Variants in NUSAP1 observed in about 807,000 individuals in gnomAD.
The protein encoded by NUSAP1 is nucleolar and spindle-associated protein 1.
In NUSAP1, 32 loss-of-function variants were observed where a neutral mutation model predicts 52.8. The ratio of observed to expected loss-of-function variants is 0.61; its 90% CI spans 0.46 to 0.81. NUSAP1 has a LOEUF of 0.81. NUSAP1 is among the 40% of genes least tolerant of loss of function. The pLI is 0.00. For missense variants in NUSAP1, 499 were observed against 522.3 expected, an observed-to-expected ratio of 0.96 and a Z score of 0.43; for synonymous variants, 195 against 183.1, an observed-to-expected ratio of 1.06 and a Z score of -0.52.
At position 41,377,180 on chromosome 15, in the gene NUSAP1, C is replaced by T. The variant is rs201721566; in HGVS notation, c.1124-16C>T. The T allele has an allele frequency of 1.7e-4, 215 of 1,284,074 alleles. No homozygotes were observed. Among genetic ancestry groups the T allele is most frequent in the Non-Finnish European group, 2.2e-4 (206 of 922,628 alleles). 79.5% of individuals were successfully genotyped at this position (1,284,074 alleles called of 1,614,324 possible). A position where few individuals can be genotyped will look rare whatever the true frequency, so the allele number is the denominator to read the frequency against. Reference sequence around the variant, plus strand: ...AAACAATCTTTTTAAAATTCTTTGTCTCTGTCCTAAACTAGGAAAGCTAAA... The same window carrying T: ...AAACAATCTTTTTAAAATTCTTTGTTTCTGTCCTAAACTAGGAAAGCTAAA... On this transcript the variant is annotated splice_polypyrimidine_tract_variant and intron_variant, in intron 9 of 10. Transcript: ENST00000559596.
intron 6 of NUSAP1, among the ~76,000 whole-genome samples, chr15:41,358,728 C>T (rs2049061966): frequency 6.6e-6 from 1 of 151,600 alleles, no homozygotes; most frequent in East Asian, 1.9e-4. Flanking sequence ...AGTGAGACTC[C>T]GTCTCAAAAA....
intron 4 of NUSAP1, among the ~76,000 whole-genome samples, chr15:41,355,466 G>A (rs1231168974): frequency 4.0e-5 from 6 of 150,094 alleles, no homozygotes; most frequent in Non-Finnish European, 7.4e-5. Context: ...CCACCGCGGC[G>A]CCTGACCAAC....
chr15:41,375,700 G>T lies in NUSAP1; in HGVS notation c.1007-12G>T, dbSNP rs1409489332. 6.5e-7 allele frequency: 1 copy of T among 1,542,758 alleles called. No homozygotes were observed. Among genetic ancestry groups the T allele is most frequent in the East Asian group, 2.2e-5 (1 of 44,514 alleles). The stretch of plus-strand genomic sequence containing the variant: ...CTAATTAAGCTCTTGGGTTTTTTCG[G>T]TGTGTTTTTAGTTATTACCCCATTC... On this transcript the variant is annotated splice_polypyrimidine_tract_variant and intron_variant, in intron 8 of 10. Coordinates refer to ENST00000559596, the MANE Select transcript of NUSAP1 (RefSeq NM_016359.5).
chr15:41,335,562 T>C (rs1382216523), intron 1 of NUSAP1, among the ~76,000 whole-genome samples: 1 of 138,192 alleles, frequency 7.2e-6, no homozygotes, highest in Non-Finnish European at 1.5e-5. Flanking sequence ...ACTAAATATA[T>C]TTAATATACT....
intron 4 of NUSAP1, chr15:41,351,854 A>G (rs2048789663): frequency 1.3e-5 from 2 of 152,130 alleles, no homozygotes; most frequent in African/African-American, 4.8e-5. Flanking sequence ...TCCCATATCT[A>G]AATAAGGTCA....
At chr15:41,350,845 G>A (rs2048750719) in intron 3 of NUSAP1, 143 bp from the exon 4 acceptor site, 2 of 672,970 alleles carry the variant, frequency 3.0e-6, no homozygotes, top group Non-Finnish European at 4.9e-6. Context: ...TGATAAGGCA[G>A]AGAACCAAAT....
chr15:41,334,161 C>G (rs531767651), intron 1 of NUSAP1, among the ~76,000 whole-genome samples: 7 of 152,130 alleles, frequency 4.6e-5, no homozygotes, highest in Non-Finnish European at 8.8e-5. Flanking sequence ...CTCTGTCGCC[C>G]AGGCTGGAGT....
At position 41,358,209 on chromosome 15, in the gene NUSAP1, A is replaced by T; in HGVS notation, c.611A>T (p.Glu204Val). 2 of 1,576,970 alleles carry T rather than the reference A, an allele frequency of 1.3e-6. No homozygotes were observed. The highest frequency in any genetic ancestry group is 1.7e-6 in the Non-Finnish European group (2 of 1,150,680). ...KEMESIDQYI[E>V]RKKKHFEEHN... ...ATGGAGTCCATTGATCAATATATTG[A>T]GAGAAAAAAGAAACATTTTGAAGAA... Residue 204 changes from glutamate (E) to valine (V), a missense_variant, in exon 6 of 11, where the codon GAG (glutamate) becomes GTG (valine). Physicochemically the swap from Glu to Val is moderately radical, Grantham distance 121. Transcript: ENST00000559596.
At chr15:41,365,752 G>A (rs886784825) in intron 7 of NUSAP1, 163 bp downstream of exon 7, 13 of 398,748 alleles carry the variant, frequency 3.3e-5, no homozygotes, top group African/African-American at 8.9e-5. Context: ...ATGAGGTCTC[G>A]CTCTGTCGCC....
At chr15:41,350,496 G>T (rs1023065274) in intron 3 of NUSAP1, among the ~76,000 whole-genome samples, 14 of 151,960 alleles carry the variant, frequency 9.2e-5, no homozygotes, top group African/African-American at 3.4e-4. Context: ...AGGGGTCGGG[G>T]GGAGGGTGGT....
At chr15:41,363,301 A>AG (rs1595578489) in intron 6 of NUSAP1, among the ~76,000 whole-genome samples, 2 of 150,586 alleles carry the variant, frequency 1.3e-5, no homozygotes, top group East Asian at 3.9e-4. Flanking sequence ...AAAAAAAAAA[A>AG]AGATCTTGCC....
intron 5 of NUSAP1, among the ~76,000 whole-genome samples, chr15:41,356,354 C>CTTTTTTTTTT (rs398026995): frequency 8.0e-6 from 1 of 124,652 alleles, no homozygotes; most frequent in Non-Finnish European, 1.6e-5. Flanking sequence ...CTATTTCTTT[C>CTTTTTTTTTT]TTTTTTTTTT....
intron 1 of NUSAP1, among the ~76,000 whole-genome samples, chr15:41,335,508 T>A (rs2048087401): frequency 7.2e-6 from 1 of 138,244 alleles, no homozygotes; most frequent in Non-Finnish European, 1.5e-5. Context: ...ATATTTAGTA[T>A]AGATATACTA....
rs1175240325 is a variant in NUSAP1, at chr15:41,333,003, G to A, written c.46G>A (p.Asp16Asn). 2 of 1,612,294 alleles carry A rather than the reference G, an allele frequency of 1.2e-6. No homozygotes were observed. The highest frequency in any genetic ancestry group is 1.7e-6 in the Non-Finnish European group (2 of 1,179,166). ...LEELDSLKYS[D>N]LQNLAKSLGL... The stretch of plus-strand genomic sequence containing the variant: ...GGAGCTGGACTCCCTCAAGTACAGT[G>A]ACCTGCAGAACTTAGCCAAGAGTCT... Residue 16 changes from aspartate to asparagine, a missense_variant, in exon 1 of 11, where the codon GAC (aspartate) becomes AAC (asparagine). Transcript: ENST00000559596.
At chr15:41,333,887 C>T (rs866125880) in intron 1 of NUSAP1, among the ~76,000 whole-genome samples, 1 of 152,114 alleles carries the variant, frequency 6.6e-6, no homozygotes, top group African/African-American at 2.4e-5. Flanking sequence ...ACTCCAACTT[C>T]GGTGACAGAG....
chr15:41,378,944 G>GTTTTGTTTTTTTTTTTTTTTTT lies in NUSAP1; in HGVS notation c.1233-1145_1233-1144insGTTTTTTTTTTTTTTTTTTTTT, dbSNP rs2050092060. On this transcript the variant is annotated intron_variant, in intron 10 of 10. Coordinates refer to ENST00000559596, the MANE Select transcript of NUSAP1 (RefSeq NM_016359.5). ...CCCAAGATTATATTAACTTATCTTG[G>GTTTTGTTTTTTTTTTTTTTTTT]TTTTTTTTTTTTTTTTTTTTTTTTT... 2.1e-4 allele frequency among the ~76,000 whole-genome samples: 13 copies of GTTTTGTTTTTTTTTTTTTTTTT among 63,262 alleles called. 1 individual carries two copies. Among genetic ancestry groups the GTTTTGTTTTTTTTTTTTTTTTT allele is most frequent in the African/African-American group, 9.1e-4 (13 of 14,276 alleles). 41.5% of individuals were successfully genotyped at this position (63,262 alleles called of 152,430 possible).
chr15:41,342,530 C>T, intron 2 of NUSAP1, 76 bp downstream of exon 2: 1 of 1,084,308 alleles, frequency 9.2e-7, no homozygotes, highest in Non-Finnish European at 1.4e-6. Context: ...TAACACACAA[C>T]TAGTGATGAT....
At position 41,332,933 on chromosome 15, in the gene NUSAP1, A is replaced by C. The variant is rs1179644405; in HGVS notation, c.-25A>C. 3 of 1,570,216 alleles carry C rather than the reference A, an allele frequency of 1.9e-6. No homozygotes were observed. The highest frequency in any genetic ancestry group is 1.1e-5 in the South Asian group (1 of 87,898). On this transcript the variant is annotated 5_prime_UTR_variant, in exon 1 of 11. Coordinates refer to ENST00000559596, the MANE Select transcript of NUSAP1 (RefSeq NM_016359.5). ...ACGAAGTTTGGTGATCCATCTTCCGAGTATCGCCGGGATTTCGAATCGCGA... is the reference window on the plus strand; with the variant it reads ...ACGAAGTTTGGTGATCCATCTTCCGCGTATCGCCGGGATTTCGAATCGCGA...
chr15:41,373,360 G>T (rs567242360), intron 8 of NUSAP1, among the ~76,000 whole-genome samples: 1 of 151,468 alleles, frequency 6.6e-6, no homozygotes, highest in South Asian at 2.1e-4. Context: ...TCCAGCCTGG[G>T]AGACAGAGCA....
Sources: allele counts gnomAD v4.1 joint callset (sites outside exome capture counted in the v4.1 genomes callset), GRCh38; gene constraint gnomAD v4.1.1; transcripts MANE v1.5; gene names NCBI Gene and HGNC (gene_info 2026-07-23, HGNC 2026-07-21).